The following PLEKHM3 variants were observed in gnomAD, a reference collection of about 807,000 sequenced individuals.
PLEKHM3 encodes the protein pleckstrin homology domain containing M3, also known as pleckstrin homology domain-containing family M member 3.
A neutral mutation model predicts 81.8 loss-of-function variants in PLEKHM3; 45 were observed. The observed-to-expected ratio is 0.55, with a 90% confidence interval of 0.43 to 0.71. The LOEUF (loss-of-function observed/expected upper bound fraction) is 0.71. Ranked by LOEUF, PLEKHM3 falls within the 30% of genes least tolerant of loss-of-function variation. The pLI, the probability that PLEKHM3 is intolerant of heterozygous loss-of-function variation, is 0.00. For synonymous variants in PLEKHM3, 352 were observed against 356.4 expected (o/e 0.99, Z 0.14); for missense variants, 788 against 924.3 (o/e 0.85, Z 1.91).
At chr2:208,012,465 T>C (rs1201028177) in intron 1 of PLEKHM3, among the ~76,000 whole-genome samples, 1 of 152,224 alleles carries the variant, frequency 6.6e-6, no homozygotes, top group South Asian at 2.1e-4. Context: ...ACTGAGTACT[T>C]TGGGCCACCC....
chr2:208,021,681 C>T (rs535229371), intron 1 of PLEKHM3, among the ~76,000 whole-genome samples: 24 of 152,264 alleles, frequency 1.6e-4, no homozygotes, highest in Non-Finnish European at 2.6e-4. Context: ...TTTGAAAATA[C>T]GAAAGAGAAT....
chr2:207,852,052 C>T (rs1279723903), intron 7 of PLEKHM3, among the ~76,000 whole-genome samples: 1 of 152,148 alleles, frequency 6.6e-6, no homozygotes, highest in African/African-American at 2.4e-5. Context: ...AGTGTAAAGA[C>T]TCCCAAGGCA....
chr2:207,898,586 T>G (rs1688319366), intron 6 of PLEKHM3, among the ~76,000 whole-genome samples: 1 of 152,022 alleles, frequency 6.6e-6, no homozygotes. Context: ...AAAACACATC[T>G]CTACCAAAAA....
At chr2:207,882,498 G>A (rs924484093) in intron 6 of PLEKHM3, among the ~76,000 whole-genome samples, 1 of 150,972 alleles carries the variant, frequency 6.6e-6, no homozygotes, top group East Asian at 2.0e-4. Flanking sequence ...TGTAATCGCA[G>A]TTACCCGGGA....
chr2:207,980,888 G>A (rs1399776084), intron 2 of PLEKHM3, among the ~76,000 whole-genome samples: 1 of 152,064 alleles, frequency 6.6e-6, no homozygotes, highest in Non-Finnish European at 1.5e-5. Flanking sequence ...CAGCACTTTG[G>A]GAGGCTCAGG....
At chr2:207,837,586 C>T (rs900413717) in intron 7 of PLEKHM3, among the ~76,000 whole-genome samples, 4 of 149,678 alleles carry the variant, frequency 2.7e-5, no homozygotes, top group South Asian at 2.1e-4. Context: ...GGCGACAGAG[C>T]GACACTTCAT....
intron 2 of PLEKHM3, among the ~76,000 whole-genome samples, chr2:207,987,536 G>A (rs13422017): frequency 4.6e-5 from 7 of 152,088 alleles, no homozygotes; most frequent in African/African-American, 9.7e-5. Context: ...AGACACATGC[G>A]GACTCAGCGG....
chr2:207,897,887 C>T (rs1409118587), intron 6 of PLEKHM3, among the ~76,000 whole-genome samples: 3 of 152,208 alleles, frequency 2.0e-5, no homozygotes, highest in Admixed American at 1.3e-4. Flanking sequence ...GAATGTAGGG[C>T]TTCCTTGCTG....
chr2:208,001,863 G>C lies in PLEKHM3; in HGVS notation c.-224C>G, dbSNP rs1005354727. ...ATGGGCATTAACAGATGTATAGGGA[G>C]ACCAAATGTTCCTTTGAGATTATTC... is the stretch of plus-strand genomic sequence containing the variant. On this transcript the variant is annotated 5_prime_UTR_variant, in exon 2 of 8. Coordinates refer to ENST00000427836, the MANE Select transcript of PLEKHM3 (RefSeq NM_001080475.3). 6.9e-6 allele frequency: 4 copies of C among 579,240 alleles called. No homozygotes were observed. The African/African-American group carries it at 7.5e-5, about 11-fold the overall frequency. 35.9% of individuals were successfully genotyped at this position (579,240 alleles called of 1,614,324 possible).
At chr2:207,990,032 TCA>T (rs1324709895) in intron 2 of PLEKHM3, among the ~76,000 whole-genome samples, 1 of 152,172 alleles carries the variant, frequency 6.6e-6, no homozygotes, top group Admixed American at 6.5e-5. Flanking sequence ...CTCCTCCTTC[TCA>T]TGGGTGGGGT....
rs80215168 is a variant in PLEKHM3, at chr2:207,898,140, G to A, written c.1950+10374C>T. Among the ~76,000 whole-genome samples the A allele has an allele frequency of 8.6e-3, 1,308 of 152,256 alleles. 12 individuals are homozygous for A. The highest frequency in any genetic ancestry group is 0.031 in the South Asian group (147 of 4,818). ...GTAATTCAGCATTCATTAGTTTGAC[G>A]GAACAAAAGCAGGCATTCTCTATTA... is the stretch of plus-strand genomic sequence containing the variant. On this transcript the variant is annotated intron_variant, in intron 6 of 7. Coordinates refer to ENST00000427836, the MANE Select transcript of PLEKHM3 (RefSeq NM_001080475.3).
intron 7 of PLEKHM3, among the ~76,000 whole-genome samples, chr2:207,846,114 G>A (rs1029161970): frequency 2.0e-5 from 3 of 152,094 alleles, no homozygotes; most frequent in Admixed American, 6.5e-5. Context: ...GAACGACATC[G>A]AGACTTCTTT....
At chr2:208,021,809 TA>T (rs1693141035) in intron 1 of PLEKHM3, among the ~76,000 whole-genome samples, 1 of 152,226 alleles carries the variant, frequency 6.6e-6, no homozygotes, top group South Asian at 2.1e-4. Context: ...GAGCTTACTA[TA>T]GATACGCATT....
At chr2:208,008,516 A>C (rs1167419118) in intron 1 of PLEKHM3, among the ~76,000 whole-genome samples, 1 of 150,150 alleles carries the variant, frequency 6.7e-6, no homozygotes, top group Non-Finnish European at 1.5e-5. Context: ...AAAAAAAAAA[A>C]AAAAAAAAAC....
intron 3 of PLEKHM3, among the ~76,000 whole-genome samples, chr2:207,954,348 CCT>C (rs945201793): frequency 7.9e-5 from 12 of 152,078 alleles, no homozygotes; most frequent in African/African-American, 2.7e-4. Context: ...AGAACGAGAC[CCT>C]GTCTCTAAAA....
At chr2:207,914,076 G>A (rs1688902122) in intron 5 of PLEKHM3, among the ~76,000 whole-genome samples, 1 of 152,116 alleles carries the variant, frequency 6.6e-6, no homozygotes. Context: ...TACTCAACAG[G>A]GCGCAGTGGC....
At chr2:207,946,934 C>A (rs887670268) in intron 3 of PLEKHM3, among the ~76,000 whole-genome samples, 33 of 152,276 alleles carry the variant, frequency 2.2e-4, no homozygotes, top group African/African-American at 7.7e-4. Flanking sequence ...ATTATTAATT[C>A]TATTTTATAG....
At chr2:207,901,563 A>G (rs1393638377) in intron 6 of PLEKHM3, among the ~76,000 whole-genome samples, 3 of 152,186 alleles carry the variant, frequency 2.0e-5, no homozygotes, top group Non-Finnish European at 4.4e-5. Context: ...TGGGAGACCG[A>G]GCATGAGGCA....
At chr2:207,984,944 G>GT (rs1691666367) in intron 2 of PLEKHM3, among the ~76,000 whole-genome samples, 1 of 151,056 alleles carries the variant, frequency 6.6e-6, no homozygotes, top group Non-Finnish European at 1.5e-5. Context: ...GTTCAGTGAG[G>GT]TTTTTTGTGT....
Sources: allele counts gnomAD v4.1 joint callset (sites outside exome capture counted in the v4.1 genomes callset), GRCh38; gene constraint gnomAD v4.1.1; transcripts MANE v1.5; gene names NCBI Gene and HGNC (gene_info 2026-07-23, HGNC 2026-07-21).